Variants in KDM2A observed in about 807,000 individuals in gnomAD.
The protein encoded by KDM2A is lysine demethylase 2A, also known as lysine-specific demethylase 2A.
In KDM2A, 3 loss-of-function variants were observed where a neutral mutation model predicts 137.3. The ratio of observed to expected loss-of-function variants is 0.02; its 90% CI spans 0.01 to 0.06. The LOEUF (loss-of-function observed/expected upper bound fraction) is 0.06, where lower values mean the gene tolerates loss of function less well. KDM2A is among the 10% of genes least tolerant of loss of function. The pLI is 1.00. For synonymous variants in KDM2A, 512 were observed against 541.5 expected (o/e 0.95, Z 0.76); for missense variants, 738 against 1,510.6 (o/e 0.49, Z 8.48).
chr11:67,181,191 C>G lies in KDM2A; in HGVS notation c.182-129C>G. 6.4e-6 allele frequency: 3 copies of G among 465,834 alleles called. No homozygotes were observed. In the East Asian group the frequency reaches 1.0e-4, roughly 16 times the overall value. The allele number at this position is 465,834 out of a possible 1,614,324, so 28.9% of individuals were successfully genotyped here. On this transcript the variant is annotated intron_variant, in intron 3 of 20. Transcript: ENST00000529006. ...TCTTACTAAGCATATATTTTATTGACTAACAGCATAACTATATACACAGAA... is the reference window on the plus strand; with the variant it reads ...TCTTACTAAGCATATATTTTATTGAGTAACAGCATAACTATATACACAGAA...
intron 2 of KDM2A, among the ~76,000 whole-genome samples, chr11:67,164,501 G>A (rs953024680): frequency 6.6e-6 from 1 of 151,716 alleles, no homozygotes; most frequent in African/African-American, 2.4e-5. Context: ...TTTTTTTGTA[G>A]CGATGGGACA....
chr11:67,250,374 G>C lies in KDM2A; in HGVS notation c.2344G>C (p.Gly782Arg). The C allele has an allele frequency of 6.2e-7, 1 of 1,613,968 alleles. No homozygotes were observed. Among genetic ancestry groups the C allele is most frequent in the Non-Finnish European group, 8.5e-7 (1 of 1,179,884 alleles). The part of the protein sequence containing the change: ...MVREKENNPS[G>R]KKELSEVEKA... ...ACGGGAAAAGGAGAACAATCCCAGC[G>C]GCAAAAAGGAGCTGTCTGAAGTTGA... Residue 782 changes from glycine (G) to arginine (R), a missense_variant, in exon 17 of 21, where the codon GGC becomes CGC. Physicochemically the swap from Gly to Arg is moderately radical, Grantham distance 125. Around this residue, in one of 9 missense-constraint regions of KDM2A, gnomAD observed 244 missense variants for 324.6 expected, o/e 0.75. Coordinates refer to ENST00000529006, the MANE Select transcript of KDM2A (RefSeq NM_012308.3). The surrounding 1 kb of genome is among the most constrained non-coding windows in gnomAD (Gnocchi z 7.1).
At chr11:67,167,908 T>A (rs1171544841) in intron 2 of KDM2A, among the ~76,000 whole-genome samples, 1 of 152,092 alleles carries the variant, frequency 6.6e-6, no homozygotes, top group Non-Finnish European at 1.5e-5. Context: ...AAAGTAAACA[T>A]GTGTTTTTCC....
At chr11:67,170,808 T>A (rs1239166657) in intron 2 of KDM2A, among the ~76,000 whole-genome samples, 1 of 152,100 alleles carries the variant, frequency 6.6e-6, no homozygotes, top group Non-Finnish European at 1.5e-5. Flanking sequence ...AAGCTGTATC[T>A]GAGGTCGTCC....
intron 13 of KDM2A, among the ~76,000 whole-genome samples, chr11:67,244,881 GAGGCTGAGGC>G (rs1165253651): frequency 2.0e-5 from 3 of 152,072 alleles, no homozygotes; most frequent in Admixed American, 2.0e-4. Flanking sequence ...AGCTACTTGG[GAGGCTGAGGC>G]AGGAGAATGG....
Position 67,231,604 on chromosome 11 carries a change from G to C in KDM2A, c.1123G>C (p.Glu375Gln), listed in dbSNP as rs1375782758. ...TGGGTTGGAGTCTGGGAATGGGGAT[G>C]AGGAAGCAGTGGATCGAGAACCCCG... ...LNGLESGNGD[E>Q]EAVDREPRRL... Residue 375 changes from glutamate to glutamine, a missense_variant, in exon 12 of 21, where the codon GAG becomes CAG. Physicochemically the swap from Glu to Gln is conservative, Grantham distance 29. Transcript: ENST00000529006. 1 of 1,610,626 alleles carries C rather than the reference G, an allele frequency of 6.2e-7. No homozygotes were observed. The highest frequency in any genetic ancestry group is 1.1e-5 in the South Asian group (1 of 90,422).
intron 2 of KDM2A, among the ~76,000 whole-genome samples, chr11:67,178,617 T>G (rs910404074): frequency 6.6e-6 from 1 of 152,190 alleles, no homozygotes; most frequent in African/African-American, 2.4e-5. Context: ...TTCTAGACAT[T>G]TTATTTAAAT....
chr11:67,246,579 A>G (rs991076144), intron 15 of KDM2A, among the ~76,000 whole-genome samples: 1 of 152,132 alleles, frequency 6.6e-6, no homozygotes, highest in African/African-American at 2.4e-5. Context: ...GCTTTAAAAA[A>G]AAAAAGTAAT....
chr11:67,222,001 T>G (rs1467447192), intron 10 of KDM2A, among the ~76,000 whole-genome samples: 1 of 150,470 alleles, frequency 6.6e-6, no homozygotes, highest in Non-Finnish European at 1.5e-5. Context: ...GGAAAATGTT[T>G]CAAAAGAAAA....
intron 16 of KDM2A, 148 bp downstream of exon 16, chr11:67,248,518 G>A: frequency 3.4e-6 from 2 of 587,298 alleles, no homozygotes; most frequent in Non-Finnish European, 6.0e-6. Context: ...TTTTCCTTTG[G>A]TTAATTTTTA....
intron 12 of KDM2A, 79 bp from the exon 13 acceptor site, chr11:67,242,928 CAG>C (rs1318594210): frequency 1.9e-6 from 2 of 1,050,926 alleles, no homozygotes; most frequent in African/African-American, 1.6e-5. Context: ...GGTACTGAGG[CAG>C]AGTCTGGATG....
In KDM2A at chr11:67,250,124, A is replaced by C; in HGVS notation, c.2094A>C (p.Gln698His). 1 of 1,607,046 alleles carries C rather than the reference A, an allele frequency of 6.2e-7. No individual in the cohort carries two copies. Among genetic ancestry groups the C allele is most frequent in the Non-Finnish European group, 8.5e-7 (1 of 1,176,798 alleles). ...AAGAGAGTGACGAAGAAGCTGTGCA[A>C]GCCAAAGTCCTGCGGCCCCTGCGGA... Reference protein sequence around the residue: ...KMEESDEEAVQAKVLRPLRSC... With the variant: ...KMEESDEEAVHAKVLRPLRSC... The change falls in exon 17 of 21, where the codon CAA (glutamine) becomes CAC (histidine). Residue 698 changes from glutamine (Q) to histidine (H), a missense_variant. Physicochemically the swap from Gln to His is conservative, Grantham distance 24. Transcript: ENST00000529006. This position sits in a 1 kb window ranked among gnomAD's most constrained non-coding sequence, Gnocchi z 7.1.
At chr11:67,131,284 G>A (rs906358547) in intron 2 of KDM2A, among the ~76,000 whole-genome samples, 4 of 151,714 alleles carry the variant, frequency 2.6e-5, no homozygotes, top group Admixed American at 1.3e-4. Flanking sequence ...AGATCTCACC[G>A]TCGCACTCCA....
chr11:67,139,197 T>A (rs1254877044), intron 2 of KDM2A, among the ~76,000 whole-genome samples: 1 of 152,090 alleles, frequency 6.6e-6, no homozygotes, highest in Non-Finnish European at 1.5e-5. Flanking sequence ...CAAGTAAGTG[T>A]ACCCTGCAGC....
intron 12 of KDM2A, among the ~76,000 whole-genome samples, chr11:67,232,818 G>A (rs1358396489): frequency 1.3e-5 from 2 of 151,626 alleles, no homozygotes; most frequent in South Asian, 2.1e-4. Flanking sequence ...AGCAGTTCTC[G>A]TGCCTCAGCC....
At chr11:67,211,885 C>G (rs1215976357) in intron 6 of KDM2A, among the ~76,000 whole-genome samples, 1 of 152,076 alleles carries the variant, frequency 6.6e-6, no homozygotes, top group Non-Finnish European at 1.5e-5. Flanking sequence ...CTACCACATG[C>G]TAAGCACTGT....
At chr11:67,136,618 GCTT>G (rs1855974762) in intron 2 of KDM2A, among the ~76,000 whole-genome samples, 1 of 152,186 alleles carries the variant, frequency 6.6e-6, no homozygotes, top group African/African-American at 2.4e-5. Flanking sequence ...TCAGTGAAAG[GCTT>G]CTTGAGAAGG....
rs1311771571 is a variant in KDM2A, at chr11:67,122,922, G to A, written c.42+1564G>A. 2.0e-5 allele frequency among the ~76,000 whole-genome samples: 3 copies of A among 151,022 alleles called. No homozygotes were observed. In the Admixed American group the frequency reaches 2.0e-4, roughly 10 times the overall value. ...GATCTCCTGACCTTGTGATCTGCCCGCCTCGGCCACCCAAAGTGCTGGGAT... is the reference window on the plus strand; with the variant it reads ...GATCTCCTGACCTTGTGATCTGCCCACCTCGGCCACCCAAAGTGCTGGGAT... On this transcript the variant is annotated intron_variant, in intron 2 of 20. Coordinates refer to ENST00000529006, the MANE Select transcript of KDM2A (RefSeq NM_012308.3).
intron 5 of KDM2A, among the ~76,000 whole-genome samples, chr11:67,183,778 C>T (rs1857142391): frequency 6.6e-6 from 1 of 152,100 alleles, no homozygotes; most frequent in African/African-American, 2.4e-5. Context: ...ATGCTGTGGT[C>T]ACTGAGTGCT....
Sources: gnomAD v4.1 joint callset for allele counts (sites outside exome capture counted in the v4.1 genomes callset) on GRCh38, gnomAD v4.1.1 for gene constraint, gnomAD v4.1.1 regional missense constraint, Gnocchi (gnomAD v3.1) non-coding constraint, MANE v1.5 for transcripts, NCBI Gene and HGNC (gene_info 2026-07-23, HGNC 2026-07-21) for gene names.